The following PHACTR2 variants were observed in gnomAD, a reference collection of about 807,000 sequenced individuals.
PHACTR2 encodes the protein chromosome 6 open reading frame 56.
PHACTR2 carries 30 observed loss-of-function variants against 76.0 expected under a neutral mutation model. That is an observed-to-expected ratio of 0.39 (90% CI 0.30 to 0.54). The LOEUF (loss-of-function observed/expected upper bound fraction) is 0.54, where lower values mean the gene tolerates loss of function less well. PHACTR2 is among the 20% of genes least tolerant of loss of function. The probability of loss-of-function intolerance (pLI) is 0.61; values close to 1 mark genes in which losing one functional copy is unlikely to be tolerated. For missense variants in PHACTR2, 696 were observed against 781.1 expected (o/e 0.89, Z 1.30); for synonymous variants, 292 against 292.5 (o/e 1.00, Z 0.02).
chr6:143,804,277 C>T (rs566198923), intron 11 of PHACTR2, among the ~76,000 whole-genome samples: 10 of 152,300 alleles, frequency 6.6e-5, no homozygotes, highest in African/African-American at 2.4e-4. Context: ...ATCTTAACCT[C>T]CAGGGCCTTT....
At position 143,730,290 on chromosome 6, in the gene PHACTR2, A is replaced by G. The variant is rs1001671505; in HGVS notation, c.214+18107A>G. ...TGGGTAGAACTGATACCTATACCAT[A>G]TTGAACTTTCTAATTTATGAACTGG... On this transcript the variant is annotated intron_variant, in intron 2 of 12. Transcript: ENST00000440869. This position sits in a 1 kb window ranked among gnomAD's most constrained non-coding sequence, Gnocchi z 4.8. Among the ~76,000 whole-genome samples, 1 of 152,194 alleles carries G rather than the reference A, an allele frequency of 6.6e-6. No individual in the cohort carries two copies. The highest frequency in any genetic ancestry group is 2.4e-5 in the African/African-American group (1 of 41,468).
chr6:143,680,143 A>G lies in PHACTR2; in HGVS notation c.46+1934A>G, dbSNP rs781081861. On this transcript the variant is annotated intron_variant, in intron 1 of 12. Coordinates refer to ENST00000440869, the MANE Select transcript of PHACTR2 (RefSeq NM_001100164.2). The surrounding 1 kb of genome is among the most constrained non-coding windows in gnomAD (Gnocchi z 4.5). ...AGGTTTGCCATCAGATTCCAAATGAAAACCAAAAAAAAAAAAATTTAAATT... is the reference window on the plus strand; with the variant it reads ...AGGTTTGCCATCAGATTCCAAATGAGAACCAAAAAAAAAAAAATTTAAATT... Among the ~76,000 whole-genome samples, 2 of 150,304 alleles carry G rather than the reference A, an allele frequency of 1.3e-5. No individual in the cohort carries two copies. Among genetic ancestry groups the G allele is most frequent in the Non-Finnish European group, 2.9e-5 (2 of 67,964 alleles).
At chr6:143,737,076 G>C (rs992617857) in intron 2 of PHACTR2, among the ~76,000 whole-genome samples, 1 of 151,536 alleles carries the variant, frequency 6.6e-6, no homozygotes, top group East Asian at 1.9e-4. Context: ...CTATTATATA[G>C]AGTCTATTAT....
chr6:143,603,160 A>G (rs1775830572), intron 1 of PHACTR2, among the ~76,000 whole-genome samples: 1 of 151,964 alleles, frequency 6.6e-6, no homozygotes, highest in Admixed American at 6.6e-5. Flanking sequence ...AAAAAAAAAA[A>G]AAAAAAATAC....
intron 1 of PHACTR2, among the ~76,000 whole-genome samples, chr6:143,542,264 C>T (rs756783047): frequency 7.9e-5 from 12 of 152,164 alleles, no homozygotes; most frequent in Admixed American, 1.3e-4. Context: ...GCACAAAAGC[C>T]ATGGGCTTCT....
At position 143,755,196 on chromosome 6, in the gene PHACTR2, G is replaced by A. The variant is rs145919762; in HGVS notation, c.454+1284G>A. The A allele has an allele frequency of 2.5e-3, 1,104 of 448,740 alleles. 13 individuals carry two copies. The highest frequency in any genetic ancestry group is 0.02 in the African/African-American group (992 of 49,888). The allele number at this position is 448,740 out of a possible 1,614,324, so 27.8% of individuals were successfully genotyped here. ...TAATACTTTCAATGATAATATTCCTGGAACATAAAAAGAAAGTAGACTTAA... is the reference window on the plus strand; with the variant it reads ...TAATACTTTCAATGATAATATTCCTAGAACATAAAAAGAAAGTAGACTTAA... On this transcript the variant is annotated intron_variant, in intron 4 of 12. Coordinates refer to ENST00000440869, the MANE Select transcript of PHACTR2 (RefSeq NM_001100164.2). This position sits in a 1 kb window ranked among gnomAD's most constrained non-coding sequence, Gnocchi z 5.2.
At chr6:143,577,819 A>G (rs940032389) in intron 1 of PHACTR2, among the ~76,000 whole-genome samples, 1 of 152,146 alleles carries the variant, frequency 6.6e-6, no homozygotes, top group Admixed American at 6.5e-5. Context: ...GCCTAGAAGC[A>G]CCTGTTTAGG....
At chr6:143,634,970 G>A (rs757316969) in intron 1 of PHACTR2, among the ~76,000 whole-genome samples, 1 of 151,962 alleles carries the variant, frequency 6.6e-6, no homozygotes, top group Non-Finnish European at 1.5e-5. Context: ...AGGAACTGAA[G>A]TAATTTCTAC....
rs981711763 is a variant in PHACTR2 at position 143,618,158 on chromosome 6, C to G, written c.13+9836C>G. ...CTGGGTCAGAGCCACGATTAGACAT[C>G]GATGCTATATTTGCTGTATCCATGT... On this transcript the variant is annotated intron_variant, in intron 1 of 11. Transcript: ENST00000305766. This position sits in a 1 kb window ranked among gnomAD's most constrained non-coding sequence, Gnocchi z 5.2. Among the ~76,000 whole-genome samples, 1 of 151,962 alleles carries G rather than the reference C, an allele frequency of 6.6e-6. No homozygotes were observed. The highest frequency in any genetic ancestry group is 1.5e-5 in the Non-Finnish European group (1 of 68,000).
Position 143,742,130 on chromosome 6 carries a change from T to C in PHACTR2, c.215-6855T>C, listed in dbSNP as rs1476636927. 6.6e-6 allele frequency among the ~76,000 whole-genome samples: 1 copy of C among 151,830 alleles called. No homozygotes were observed. The highest frequency in any genetic ancestry group is 1.5e-5 in the Non-Finnish European group (1 of 67,964). On this transcript the variant is annotated intron_variant, in intron 2 of 12. Coordinates refer to ENST00000440869, the MANE Select transcript of PHACTR2 (RefSeq NM_001100164.2). The surrounding 1 kb of genome is among the most constrained non-coding windows in gnomAD (Gnocchi z 4.5). ...CAAAAAAAAAAAACAACAACATTTA[T>C]TTGATACTTTTTTGATTAGTCAGGG... is the stretch of plus-strand genomic sequence containing the variant.
chr6:143,760,637 G>T lies in PHACTR2; in HGVS notation c.691G>T (p.Ala231Ser). The change falls in exon 5 of 13, where the codon GCT becomes TCT. Residue 231 changes from alanine to serine, a missense_variant. By Grantham distance (99) the Ala-to-Ser change is moderately conservative. Around this residue, in one of 2 missense-constraint regions of PHACTR2, gnomAD observed 460 missense variants for 450.9 expected, o/e 1.02. Transcript: ENST00000440869. The surrounding 1 kb of genome is among the most constrained non-coding windows in gnomAD (Gnocchi z 6.4). ...AGCAAGCCGAAACACGACCCGAGAG[G>T]CTGGTGAGTATGCCCCCAGTGCCCT... ...KPASRNTTRE[A>S]AGSSHSKKTT... 6.2e-7 allele frequency: 1 copy of T among 1,613,862 alleles called. No homozygotes were observed. Among genetic ancestry groups the T allele is most frequent in the Admixed American group, 1.7e-5 (1 of 60,010 alleles).
At position 143,753,881 on chromosome 6, in the gene PHACTR2, A is replaced by C; in HGVS notation, c.423A>C (p.Pro141=). 5.0e-6 allele frequency: 8 copies of C among 1,606,500 alleles called. No individual in the cohort carries two copies. Among genetic ancestry groups the C allele is most frequent in the Non-Finnish European group, 6.8e-6 (8 of 1,178,074 alleles). ...ATGGCTCTGTATCTGAAAAAACACC[A>C]CCTCTGGAGGAACAGGCAGAAGATA... ...EGNGSVSEKT[P]PLEEQAEDKK... The change falls in exon 4 of 13, where the codon CCA becomes CCC. Residue 141 remains proline (P), a synonymous_variant. Coordinates refer to ENST00000440869, the MANE Select transcript of PHACTR2 (RefSeq NM_001100164.2). This position sits in a 1 kb window ranked among gnomAD's most constrained non-coding sequence, Gnocchi z 4.6.
chr6:143,573,589 T>C (rs116645438), intron 1 of PHACTR2, among the ~76,000 whole-genome samples: 5 of 151,178 alleles, frequency 3.3e-5, no homozygotes, highest in Admixed American at 6.6e-5. Context: ...TTTTTTTTTT[T>C]CTAAGTATTT....
intron 2 of PHACTR2, among the ~76,000 whole-genome samples, chr6:143,716,176 T>G (rs1778296778): frequency 6.6e-6 from 1 of 152,110 alleles, no homozygotes; most frequent in African/African-American, 2.4e-5. Context: ...AATAGAGCAA[T>G]GAGTACTTCA....
At chr6:143,665,485 C>T (rs1777018358) in intron 1 of PHACTR2, among the ~76,000 whole-genome samples, 1 of 152,228 alleles carries the variant, frequency 6.6e-6, no homozygotes, top group Non-Finnish European at 1.5e-5. Flanking sequence ...ATCCACTCCA[C>T]TCACTGTTGT....
upstream of PHACTR2, among the ~76,000 whole-genome samples, chr6:143,606,298 G>T (rs1416578948): frequency 1.3e-5 from 2 of 152,240 alleles, no homozygotes; most frequent in African/African-American, 4.8e-5. Context: ...TTTTAGACTT[G>T]TGAGTAAAGA....
rs1472502727 is a variant in PHACTR2 at position 143,755,222 on chromosome 6, A to G, written c.454+1310A>G. 2.2e-6 allele frequency: 1 copy of G among 451,822 alleles called. No individual in the cohort carries two copies. The highest frequency in any genetic ancestry group is 4.5e-6 in the Non-Finnish European group (1 of 224,182). The allele number at this position is 451,822 out of a possible 1,614,324, so 28.0% of individuals were successfully genotyped here. On this transcript the variant is annotated intron_variant, in intron 4 of 12. Coordinates refer to ENST00000440869, the MANE Select transcript of PHACTR2 (RefSeq NM_001100164.2). This position sits in a 1 kb window ranked among gnomAD's most constrained non-coding sequence, Gnocchi z 5.2. Reference sequence around the variant, plus strand: ...GAACATAAAAAGAAAGTAGACTTAAATAAATTTTAGTGGGATTCAGTTGAA... The same window carrying G: ...GAACATAAAAAGAAAGTAGACTTAAGTAAATTTTAGTGGGATTCAGTTGAA...
Position 143,592,698 on chromosome 6 carries a change from T to TC in PHACTR2, c.217+55495dup, listed in dbSNP as rs1775704937. ...ATTTCCTACTTAGACTTGGGTTCCATCCCCAGTTCATTCCATATTCATTGT... is the reference window on the plus strand; with the variant it reads ...ATTTCCTACTTAGACTTGGGTTCCATCCCCCAGTTCATTCCATATTCATTGT... On this transcript the variant is annotated intron_variant, in intron 1 of 11. Transcript: ENST00000367584. The surrounding 1 kb of genome is among the most constrained non-coding windows in gnomAD (Gnocchi z 4.0). Among the ~76,000 whole-genome samples, 1 of 152,070 alleles carries TC rather than the reference T, an allele frequency of 6.6e-6. No individual in the cohort carries two copies.
intron 1 of PHACTR2, among the ~76,000 whole-genome samples, chr6:143,699,201 T>C (rs1165173412): frequency 5.3e-5 from 8 of 152,136 alleles, no homozygotes; most frequent in Admixed American, 5.2e-4. Flanking sequence ...CGCTATGACC[T>C]GAAGGAATTC....
Sources: gnomAD v4.1 joint callset for allele counts (sites outside exome capture counted in the v4.1 genomes callset) on GRCh38, gnomAD v4.1.1 for gene constraint, gnomAD v4.1.1 regional missense constraint, Gnocchi (gnomAD v3.1) non-coding constraint, MANE v1.5 for transcripts, NCBI Gene and HGNC (gene_info 2026-07-23, HGNC 2026-07-21) for gene names.